Variants in LOXL2 observed in about 807,000 individuals in gnomAD.
LOXL2 encodes lysyl oxidase like 2.
In LOXL2, 70 loss-of-function variants were observed where a neutral mutation model predicts 93.0. That is an observed-to-expected ratio of 0.75 (90% CI 0.62 to 0.92). The LOEUF is 0.92. Among genes scored for constraint, LOXL2 ranks in the 40% least tolerant of loss-of-function variants. LOXL2 has a pLI of 0.00. For synonymous variants in LOXL2, 438 were observed against 413.2 expected, an observed-to-expected ratio of 1.06 and a Z score of -0.73; for missense variants, 973 against 1,054.9, an observed-to-expected ratio of 0.92 and a Z score of 1.08.
chr8:23,307,652 T>C (rs1803250021), intron 10 of LOXL2, among the ~76,000 whole-genome samples: 1 of 152,126 alleles, frequency 6.6e-6, no homozygotes, highest in East Asian at 1.9e-4. Context: ...TATCTTCTGC[T>C]TATAGACCCA....
chr8:23,346,122 T>TAAAAAAA (rs1426002570), intron 3 of LOXL2, among the ~76,000 whole-genome samples: 2 of 45,780 alleles, frequency 4.4e-5, no homozygotes, highest in African/African-American at 1.1e-4. Context: ...AAAATTAAAA[T>TAAAAAAA]AAAATAAAAT....
At chr8:23,334,109 A>C (rs1347464088) in intron 4 of LOXL2, among the ~76,000 whole-genome samples, 1 of 152,176 alleles carries the variant, frequency 6.6e-6, no homozygotes, top group Non-Finnish European at 1.5e-5. Flanking sequence ...GCAGTGGTGC[A>C]ATCACTGCAA....
intron 1 of LOXL2, among the ~76,000 whole-genome samples, chr8:23,380,094 C>A (rs1009281128): frequency 6.6e-6 from 1 of 152,144 alleles, no homozygotes; most frequent in South Asian, 2.1e-4. Context: ...CCCCTCGCAA[C>A]GTTTTAAAAG....
intron 5 of LOXL2, 90 bp from the exon 6 acceptor site, chr8:23,328,655 C>G: frequency 7.8e-7 from 1 of 1,288,514 alleles, no homozygotes; most frequent in East Asian, 2.3e-5. Flanking sequence ...CCCTGCCACC[C>G]TGTTCCCAGG....
intron 1 of LOXL2, among the ~76,000 whole-genome samples, chr8:23,380,014 C>A (rs1396561287): frequency 1.3e-5 from 2 of 152,166 alleles, no homozygotes; most frequent in East Asian, 3.9e-4. Flanking sequence ...CAGAAATCAC[C>A]CATCTTCTGC....
At chr8:23,301,329 G>A (rs1803127927) in intron 12 of LOXL2, among the ~76,000 whole-genome samples, 1 of 152,198 alleles carries the variant, frequency 6.6e-6, no homozygotes, top group African/African-American at 2.4e-5. Context: ...TAGAGCCCTG[G>A]CCAGAACATG....
chr8:23,316,647 C>T lies in LOXL2; in HGVS notation c.1636+302G>A, dbSNP rs150873150. On this transcript the variant is annotated intron_variant, in intron 9 of 13. Coordinates refer to ENST00000389131, the MANE Select transcript of LOXL2 (RefSeq NM_002318.3). ...CATCGACCTCATTTAACTGGCATGA[C>T]GGAGGCACTCTCAGTCATGTAGTCT... is the stretch of plus-strand genomic sequence containing the variant. 25 of 362,652 alleles carry T rather than the reference C, an allele frequency of 6.9e-5. No homozygotes were observed. The East Asian group carries it at 9.4e-4, about 14-fold the overall frequency. The allele number at this position is 362,652 out of a possible 1,614,324, so 22.5% of individuals were successfully genotyped here. A position where few individuals can be genotyped will look rare whatever the true frequency, so the allele number is the denominator to read the frequency against.
rs1294227993 is a variant in LOXL2 at position 23,368,327 on chromosome 8, G to A, written c.25C>T (p.Leu9Phe). Residue 9 changes from leucine (L) to phenylalanine (F), a missense_variant, in exon 2 of 14, where the codon CTC becomes TTC. Leu to Phe is a conservative substitution (Grantham distance 22). Coordinates refer to ENST00000389131, the MANE Select transcript of LOXL2 (RefSeq NM_002318.3). ...GCCAGCATAGCCAGGCAGCTGCAGA[G>A]GTGGGAGCACAGAGGCCTCTCCATC... MERPLCSHLCSCLAMLALL... is the reference protein window; with the variant it reads MERPLCSHFCSCLAMLALL... 1 of 1,612,556 alleles carries A rather than the reference G, an allele frequency of 6.2e-7. No homozygotes were observed. The highest frequency in any genetic ancestry group is 2.2e-5 in the East Asian group (1 of 44,878).
intron 1 of LOXL2, among the ~76,000 whole-genome samples, chr8:23,386,458 A>C (rs1804761574): frequency 6.6e-6 from 1 of 152,204 alleles, no homozygotes; most frequent in Non-Finnish European, 1.5e-5. Flanking sequence ...TAGAATAAAC[A>C]AATATGTAAG....
chr8:23,328,500 A>AT lies in LOXL2; in HGVS notation c.1031dup (p.Asn344LysfsTer56). On this transcript the variant is annotated frameshift_variant, in exon 6 of 14. Coordinates refer to ENST00000389131, the MANE Select transcript of LOXL2 (RefSeq NM_002318.3). LOFTEE classifies it high-confidence loss of function. ...CGTCGCAGACGGTCCCCCATTCTCC[A>AT]TTTTTGAGCACCTCCACGCGGCCCT... 1 of 1,613,882 alleles carries AT rather than the reference A, an allele frequency of 6.2e-7. No individual in the cohort carries two copies.
chr8:23,343,221 T>C (rs75273352), intron 3 of LOXL2, among the ~76,000 whole-genome samples: 3,394 of 152,306 alleles, frequency 0.022, 107 homozygotes, highest in East Asian at 0.13. Context: ...TGAATTGCAG[T>C]ATATAATAGC....
chr8:23,311,452 G>A (rs983460971), intron 9 of LOXL2, among the ~76,000 whole-genome samples: 1 of 152,190 alleles, frequency 6.6e-6, no homozygotes, highest in Non-Finnish European at 1.5e-5. Context: ...TTTTTATGAG[G>A]GTGTCATGTG....
chr8:23,385,316 G>C (rs182830523), intron 1 of LOXL2, among the ~76,000 whole-genome samples: 1 of 146,928 alleles, frequency 6.8e-6, no homozygotes, highest in Non-Finnish European at 1.5e-5. Context: ...GTGTGATCTC[G>C]GCCTACTGCA....
chr8:23,379,174 G>A (rs1280688746), intron 1 of LOXL2, among the ~76,000 whole-genome samples: 1 of 152,210 alleles, frequency 6.6e-6, no homozygotes, highest in African/African-American at 2.4e-5. Flanking sequence ...CTCAGCTGCA[G>A]GTCTGTTGGA....
At chr8:23,380,070 C>T (rs1278773014) in intron 1 of LOXL2, among the ~76,000 whole-genome samples, 4 of 152,190 alleles carry the variant, frequency 2.6e-5, no homozygotes, top group Non-Finnish European at 4.4e-5. Flanking sequence ...CCTATTTGGC[C>T]ATCTTGGAAT....
Position 23,321,474 on chromosome 8 carries a change from G to A in LOXL2, c.1302+656C>T, listed in dbSNP as rs1277554777. On this transcript the variant is annotated intron_variant, in intron 7 of 13. Transcript: ENST00000389131. ...CCATTCCCAGAGCCCCACGTAGAGC[G>A]TCAGCATCCTGGTAACCGTGTGGCT... Among the ~76,000 whole-genome samples, 5 of 152,316 alleles carry A rather than the reference G, an allele frequency of 3.3e-5. No homozygotes were observed. In the East Asian group the frequency reaches 5.8e-4, roughly 18 times the overall value.
At position 23,317,064 on chromosome 8, in the gene LOXL2, A is replaced by G. The variant is rs1162933434; in HGVS notation, c.1521T>C (p.Ser507=). 2.5e-6 allele frequency: 4 copies of G among 1,614,012 alleles called. No individual in the cohort carries two copies. In the African/African-American group the frequency reaches 5.3e-5, roughly 22 times the overall value. The change falls in exon 9 of 14, where the codon AGT becomes AGC. Residue 507 remains serine (S), a synonymous_variant. Transcript: ENST00000389131. ...GDVNSNKVVM[S]GVKCSGTELS... ...GCTCCGTTCCCGAGCACTTCACTCC[A>G]CTCATGACCACTTTGTTGCTGTTGA...
At chr8:23,385,586 G>A (rs956720912) in intron 1 of LOXL2, among the ~76,000 whole-genome samples, 4 of 151,992 alleles carry the variant, frequency 2.6e-5, no homozygotes, top group African/African-American at 9.7e-5. Context: ...AAGTAAAACA[G>A]AACTTATATT....
At chr8:23,399,885 G>A (rs1349483052) in intron 1 of LOXL2, among the ~76,000 whole-genome samples, 1 of 152,204 alleles carries the variant, frequency 6.6e-6, no homozygotes, top group African/African-American at 2.4e-5. Flanking sequence ...TCAGAAGGCA[G>A]GGTGATTTAA....
Sources: allele counts gnomAD v4.1 joint callset (sites outside exome capture counted in the v4.1 genomes callset), GRCh38; gene constraint gnomAD v4.1.1; transcripts MANE v1.5; gene names NCBI Gene and HGNC (gene_info 2026-07-23, HGNC 2026-07-21).